Variants in LIPH observed in about 807,000 individuals in gnomAD.
LIPH encodes lipase H.
LIPH carries 32 observed loss-of-function variants against 47.6 expected under a neutral mutation model. The ratio of observed to expected loss-of-function variants is 0.67; its 90% CI spans 0.51 to 0.90. LIPH has a LOEUF of 0.90. Among genes scored for constraint, LIPH ranks in the 40% least tolerant of loss-of-function variants. The pLI is 0.00. For synonymous variants in LIPH, 190 were observed against 195.6 expected (o/e 0.97, Z 0.24); for missense variants, 497 against 541.4 (o/e 0.92, Z 0.81).
At chr3:185,540,491 G>A (rs1280623965) in intron 1 of LIPH, among the ~76,000 whole-genome samples, 2 of 152,162 alleles carry the variant, frequency 1.3e-5, no homozygotes, top group African/African-American at 2.4e-5. Flanking sequence ...GCCAAGGCGG[G>A]TGGATCACCT....
At chr3:185,517,183 A>G (rs754211421) in intron 6 of LIPH, 21 bp from the exon 7 acceptor site, 4 of 1,294,026 alleles carry the variant, frequency 3.1e-6, no homozygotes, top group East Asian at 2.3e-5. Context: ...AGTTTAAAAA[A>G]TTGTAAGATT....
intron 5 of LIPH, among the ~76,000 whole-genome samples, chr3:185,520,448 C>T (rs980970142): frequency 2.6e-5 from 4 of 151,242 alleles, no homozygotes; most frequent in Non-Finnish European, 5.9e-5. Context: ...ACCTGGAAGG[C>T]GGAGGTTGCA....
chr3:185,530,498 A>G (rs569982271), intron 3 of LIPH, among the ~76,000 whole-genome samples: 1 of 151,472 alleles, frequency 6.6e-6, no homozygotes, highest in Non-Finnish European at 1.5e-5. Context: ...AATAATAATA[A>G]ATTAATTTAA....
intron 1 of LIPH, among the ~76,000 whole-genome samples, chr3:185,546,000 AC>A (rs1720860168): frequency 2.7e-5 from 4 of 148,124 alleles, no homozygotes; most frequent in South Asian, 4.3e-4. Flanking sequence ...TACTAAAAAT[AC>A]AAAAAAAAAA....
intron 5 of LIPH, among the ~76,000 whole-genome samples, chr3:185,522,357 G>A (rs979304999): frequency 3.3e-5 from 5 of 152,066 alleles, no homozygotes; most frequent in Admixed American, 3.3e-4. Context: ...GTATGCTGAC[G>A]TTATTGCTGT....
chr3:185,511,644 T>G lies in LIPH; in HGVS notation c.1148A>C (p.Asn383Thr). 6.2e-7 allele frequency: 1 copy of G among 1,613,692 alleles called. No homozygotes were observed. The highest frequency in any genetic ancestry group is 8.5e-7 in the Non-Finnish European group (1 of 1,179,610). The change falls in exon 9 of 10, where the codon AAT becomes ACT. Residue 383 changes from asparagine (N) to threonine (T), a missense_variant. Transcript: ENST00000296252. Reference protein sequence around the residue: ...YHQVSLLARFNQDLDKVAAIS... With the variant: ...YHQVSLLARFTQDLDKVAAIS... ...TGCAGCCACTTTATCCAGATCTTGA[T>G]TAAATCTTGCAAGTAGACTCACTTG...
chr3:185,551,449 T>A (rs1463522750), intron 1 of LIPH, among the ~76,000 whole-genome samples: 1 of 152,196 alleles, frequency 6.6e-6, no homozygotes, highest in Admixed American at 6.5e-5. Flanking sequence ...TTTAAAAATG[T>A]TTGCTTATTT....
rs184535036 is a variant in LIPH at position 185,510,015 on chromosome 3, C to T, written c.1269-1138G>A. 2.5e-3 allele frequency among the ~76,000 whole-genome samples: 365 copies of T among 148,040 alleles called. 1 individual carries two copies. The highest frequency in any genetic ancestry group is 8.7e-3 in the African/African-American group (346 of 39,974). ...AGGCTGGAGTGCAGTGGTACGATCT[C>T]GGCTCACCACAACTTCTGCCTCCCA... is the stretch of plus-strand genomic sequence containing the variant. On this transcript the variant is annotated intron_variant, in intron 9 of 9. Coordinates refer to ENST00000296252, the MANE Select transcript of LIPH (RefSeq NM_139248.3).
chr3:185,538,977 A>G (rs893519721), intron 1 of LIPH, among the ~76,000 whole-genome samples: 3 of 147,954 alleles, frequency 2.0e-5, no homozygotes, highest in Admixed American at 6.9e-5. Context: ...ATTTTTTTTT[A>G]TTTTATTTTT....
intron 4 of LIPH, among the ~76,000 whole-genome samples, chr3:185,526,183 C>T (rs748428720): frequency 6.6e-6 from 1 of 151,488 alleles, no homozygotes; most frequent in African/African-American, 2.4e-5. Context: ...GACAACATAG[C>T]GAGACCCCCA....
chr3:185,508,753 T>G lies in LIPH; in HGVS notation c.*37A>C, dbSNP rs543758015. 29 of 1,415,220 alleles carry G rather than the reference T, an allele frequency of 2.0e-5. 1 individual carries two copies. The highest frequency in any genetic ancestry group is 1.7e-4 in the African/African-American group (12 of 71,070). The allele number at this position is 1,415,220 out of a possible 1,614,324, so 87.7% of individuals were successfully genotyped here. On this transcript the variant is annotated 3_prime_UTR_variant, in exon 10 of 10. Coordinates refer to ENST00000296252, the MANE Select transcript of LIPH (RefSeq NM_139248.3). ...TTCAAACAGCCTGTGGTTGTAGCTT[T>G]CTTTCTATTATTTATGGCCATGTGT...
intron 4 of LIPH, among the ~76,000 whole-genome samples, chr3:185,526,425 G>T (rs773900355): frequency 1.3e-5 from 2 of 151,548 alleles, no homozygotes; most frequent in Non-Finnish European, 2.9e-5. Context: ...GGAGGCTGGG[G>T]CAGGAGAATT....
intron 6 of LIPH, among the ~76,000 whole-genome samples, chr3:185,517,437 G>T (rs1436117359): frequency 6.6e-6 from 1 of 152,146 alleles, no homozygotes; most frequent in East Asian, 1.9e-4. Context: ...GGCACACACT[G>T]GTGTGGACTA....
chr3:185,515,535 ATCTC>A, intron 7 of LIPH, among the ~76,000 whole-genome samples: 1 of 151,136 alleles, frequency 6.6e-6, no homozygotes, highest in South Asian at 2.1e-4. Flanking sequence ...TTTTAAAAGA[ATCTC>A]TCTGTGTTGC....
intron 4 of LIPH, among the ~76,000 whole-genome samples, chr3:185,525,499 C>A (rs1364263475): frequency 6.6e-6 from 1 of 151,972 alleles, no homozygotes; most frequent in South Asian, 2.1e-4. Flanking sequence ...GATATGGGAC[C>A]AGGCATGGTG....
At chr3:185,532,658 C>T (rs573248800) in intron 3 of LIPH, among the ~76,000 whole-genome samples, 15 of 152,194 alleles carry the variant, frequency 9.9e-5, no homozygotes, top group Admixed American at 5.2e-4. Context: ...AGAGTGGTGG[C>T]GCATGCCTGT....
intron 1 of LIPH, 118 bp downstream of exon 1, chr3:185,552,305 A>G (rs1721073613): frequency 1.4e-6 from 1 of 693,350 alleles, no homozygotes; most frequent in Admixed American, 2.3e-5. Flanking sequence ...CTTTTTCCTT[A>G]AAAACGACTC....
intron 1 of LIPH, among the ~76,000 whole-genome samples, chr3:185,542,944 A>T (rs186940895): frequency 2.7e-4 from 41 of 152,262 alleles, no homozygotes; most frequent in Non-Finnish European, 2.9e-5. Flanking sequence ...ATGGTGTCTC[A>T]CGCCTGTAAT....
At chr3:185,545,446 G>A (rs1431927635) in intron 1 of LIPH, among the ~76,000 whole-genome samples, 3 of 152,178 alleles carry the variant, frequency 2.0e-5, no homozygotes, top group Admixed American at 6.5e-5. Flanking sequence ...GTCAAACCTG[G>A]TCATGCCCAT....
Sources: gnomAD v4.1 joint callset for allele counts (sites outside exome capture counted in the v4.1 genomes callset) on GRCh38, gnomAD v4.1.1 for gene constraint, MANE v1.5 for transcripts, NCBI Gene and HGNC (gene_info 2026-07-23, HGNC 2026-07-21) for gene names.